Variants in ZNF10 observed in about 807,000 individuals in gnomAD.
The protein encoded by ZNF10 is zinc finger protein 10 (KOX 1).
ZNF10 carries 8 observed loss-of-function variants against 12.2 expected under a neutral mutation model. The ratio of observed to expected loss-of-function variants is 0.66; its 90% CI spans 0.39 to 1.18. The LOEUF (loss-of-function observed/expected upper bound fraction) is 1.18. Ranked by LOEUF, ZNF10 falls within the 50% of genes most tolerant of loss-of-function variation. The pLI, the probability that ZNF10 is intolerant of heterozygous loss-of-function variation, is 0.01. For synonymous variants in ZNF10, 229 were observed against 228.2 expected (o/e 1.00, Z -0.03); for missense variants, 603 against 678.9 (o/e 0.89, Z 1.24).
At chr12:133,133,393 T>C (rs565744836) in intron 1 of ZNF10, among the ~76,000 whole-genome samples, 1 of 152,320 alleles carries the variant, frequency 6.6e-6, no homozygotes, top group East Asian at 1.9e-4. Context: ...TTAAGTATAG[T>C]CACATGTCAG....
chr12:133,140,269 T>C (rs1165661253), intron 1 of ZNF10, among the ~76,000 whole-genome samples: 2 of 148,844 alleles, frequency 1.3e-5, no homozygotes, highest in South Asian at 2.2e-4. Flanking sequence ...TTCTATCTAC[T>C]TGGGAGGCTG....
chr12:133,149,742 A>T (rs1955996786), intron 2 of ZNF10, among the ~76,000 whole-genome samples: 1 of 151,926 alleles, frequency 6.6e-6, no homozygotes, highest in Admixed American at 6.6e-5. Context: ...ATTAATTAAT[A>T]CAATTGGATT....
In ZNF10 at chr12:133,156,148, C is replaced by T. The variant is rs1956039823; in HGVS notation, c.902C>T (p.Ser301Phe). ...KPYECKECGK[S>F]FSRSSHLIGH... Reference sequence around the variant, plus strand: ...TATGAGTGTAAAGAATGTGGAAAGTCTTTCAGCCGGAGTTCTCACCTCATT... The same window carrying T: ...TATGAGTGTAAAGAATGTGGAAAGTTTTTCAGCCGGAGTTCTCACCTCATT... Residue 301 changes from serine to phenylalanine, a missense_variant, in exon 5 of 5, where the codon TCT becomes TTT. Ser to Phe is a radical substitution (Grantham distance 155, BLOSUM62 -2). Coordinates refer to ENST00000248211, the MANE Select transcript of ZNF10 (RefSeq NM_015394.5). 2 of 1,613,610 alleles carry T rather than the reference C, an allele frequency of 1.2e-6. No individual in the cohort carries two copies. The highest frequency in any genetic ancestry group is 1.7e-6 in the Non-Finnish European group (2 of 1,180,026).
rs778238210 is a variant in ZNF10, at chr12:133,155,732, A to C, written c.486A>C (p.Arg162Ser). The C allele has an allele frequency of 1.4e-5, 23 of 1,611,892 alleles. 1 individual carries two copies. The South Asian group carries it at 2.3e-4, about 16-fold the overall frequency. The change falls in exon 5 of 5, where the codon AGA (arginine) becomes AGC (serine). Residue 162 changes from arginine (R) to serine (S), a missense_variant. By Grantham distance (110) the Arg-to-Ser change is moderately radical (BLOSUM62 -1). Coordinates refer to ENST00000248211, the MANE Select transcript of ZNF10 (RefSeq NM_015394.5). ...FTQKKVLTQE[R>S]VSESGKYGGN... Reference sequence around the variant, plus strand: ...AAAAGAAAGTACTTACTCAGGAGAGAGTCTCTGAAAGTGGTAAATATGGGG... The same window carrying C: ...AAAAGAAAGTACTTACTCAGGAGAGCGTCTCTGAAAGTGGTAAATATGGGG...
Position 133,133,794 on chromosome 12 carries a change from C to T in ZNF10, c.-60+3040C>T, listed in dbSNP as rs886756330. Among the ~76,000 whole-genome samples, 9 of 152,208 alleles carry T rather than the reference C, an allele frequency of 5.9e-5. No individual in the cohort carries two copies. The South Asian group carries it at 8.3e-4, about 14-fold the overall frequency. ...ATAGTAACTTTCATAGCCTTCTTGCCGATACTTGGAGCTTCTTTTCAGCCC... is the reference window on the plus strand; with the variant it reads ...ATAGTAACTTTCATAGCCTTCTTGCTGATACTTGGAGCTTCTTTTCAGCCC... On this transcript the variant is annotated intron_variant, in intron 1 of 4. Transcript: ENST00000248211.
At chr12:133,150,464 A>G (rs780937708) in intron 2 of ZNF10, among the ~76,000 whole-genome samples, 5 of 152,116 alleles carry the variant, frequency 3.3e-5, no homozygotes, top group Non-Finnish European at 7.4e-5. Flanking sequence ...TCTAGATACA[A>G]TCAACACTTA....
At chr12:133,141,231 A>G (rs1168447271) in intron 1 of ZNF10, among the ~76,000 whole-genome samples, 2 of 152,332 alleles carry the variant, frequency 1.3e-5, no homozygotes, top group East Asian at 1.9e-4. Flanking sequence ...ACTGTTTGCA[A>G]ATAACCTAAC....
At position 133,157,904 on chromosome 12, in the gene ZNF10, A is replaced by T. The variant is rs1956052163; in HGVS notation, c.*936A>T. The T allele has an allele frequency of 1.3e-5, 2 of 152,210 alleles. No individual in the cohort carries two copies. Among genetic ancestry groups the T allele is most frequent in the African/African-American group, 4.8e-5 (2 of 41,464 alleles). 9.4% of individuals were successfully genotyped at this position (152,210 alleles called of 1,614,324 possible). A position where few individuals can be genotyped will look rare whatever the true frequency, so the allele number is the denominator to read the frequency against. On this transcript the variant is annotated 3_prime_UTR_variant, in exon 5 of 5. Coordinates refer to ENST00000248211, the MANE Select transcript of ZNF10 (RefSeq NM_015394.5). ...CATTGGGCATTTGAACATATCAGGG[A>T]GGGTCCCCATTTTAGTGGGAACAAG...
At chr12:133,141,342 A>G (rs1348659414) in intron 1 of ZNF10, among the ~76,000 whole-genome samples, 3 of 152,198 alleles carry the variant, frequency 2.0e-5, no homozygotes, top group African/African-American at 4.8e-5. Flanking sequence ...AAATTCACCA[A>G]GCATGCAAAG....
chr12:133,143,017 G>C (rs1202835781), intron 1 of ZNF10, among the ~76,000 whole-genome samples: 1 of 152,224 alleles, frequency 6.6e-6, no homozygotes, highest in African/African-American at 2.4e-5. Flanking sequence ...CATGAAAAGA[G>C]TGAGGTTCTG....
chr12:133,131,322 C>T (rs929178803), intron 1 of ZNF10, among the ~76,000 whole-genome samples: 3 of 87,024 alleles, frequency 3.4e-5, no homozygotes, highest in African/African-American at 1.0e-4. Context: ...TTTTATTTTC[C>T]CTTGACACTA....
rs1454549793 is a variant in ZNF10, at chr12:133,159,022, A to G, written c.*2054A>G. ...AATAGTCACTTAACTGGGGCTCTTA[A>G]CATTGCTAATAACCTGTGGCTCAAT... On this transcript the variant is annotated 3_prime_UTR_variant, in exon 5 of 5. Coordinates refer to ENST00000248211, the MANE Select transcript of ZNF10 (RefSeq NM_015394.5). 1 of 152,234 alleles carries G rather than the reference A, an allele frequency of 6.6e-6. No homozygotes were observed. The highest frequency in any genetic ancestry group is 2.4e-5 in the African/African-American group (1 of 41,460). The allele number at this position is 152,234 out of a possible 1,614,324, so 9.4% of individuals were successfully genotyped here.
intron 2 of ZNF10, among the ~76,000 whole-genome samples, chr12:133,148,351 C>T (rs979000344): frequency 9.9e-5 from 15 of 152,132 alleles, no homozygotes; most frequent in Admixed American, 5.2e-4. Context: ...GAACTCCTGA[C>T]CTCAGATGAT....
intron 1 of ZNF10, among the ~76,000 whole-genome samples, chr12:133,139,612 G>T (rs1462047315): frequency 2.6e-5 from 4 of 152,198 alleles, no homozygotes; most frequent in Non-Finnish European, 5.9e-5. Flanking sequence ...AGGCAAAGAA[G>T]TCAAGTAGGA....
At chr12:133,153,484 A>C (rs921460034) in intron 4 of ZNF10, among the ~76,000 whole-genome samples, 8 of 152,150 alleles carry the variant, frequency 5.3e-5, no homozygotes, top group Non-Finnish European at 1.0e-4. Context: ...TCTTCATAGA[A>C]TCTTCCAGTT....
chr12:133,151,621 C>G (rs1156760706), intron 3 of ZNF10, among the ~76,000 whole-genome samples, 188 bp from the exon 4 acceptor site: 1 of 152,028 alleles, frequency 6.6e-6, no homozygotes, highest in African/African-American at 2.4e-5. Flanking sequence ...TCCAGCCTGG[C>G]AACAGAGAGA....
intron 1 of ZNF10, among the ~76,000 whole-genome samples, chr12:133,142,504 C>T (rs752642425): frequency 6.6e-6 from 1 of 151,014 alleles, no homozygotes; most frequent in Non-Finnish European, 1.5e-5. Flanking sequence ...TCCTACAACT[C>T]AACAATACAC....
intron 1 of ZNF10, among the ~76,000 whole-genome samples, chr12:133,142,068 A>C (rs1157030896): frequency 6.6e-6 from 1 of 152,218 alleles, no homozygotes; most frequent in Non-Finnish European, 1.5e-5. Context: ...CTACCTATTA[A>C]ATAGAATTAC....
At chr12:133,131,485 A>G (rs1955876082) in intron 1 of ZNF10, among the ~76,000 whole-genome samples, 1 of 152,172 alleles carries the variant, frequency 6.6e-6, no homozygotes, top group Non-Finnish European at 1.5e-5. Flanking sequence ...GTTAATTAAA[A>G]AAAAAAAAGT....
Sources: allele counts gnomAD v4.1 joint callset (sites outside exome capture counted in the v4.1 genomes callset), GRCh38; gene constraint gnomAD v4.1.1; transcripts MANE v1.5; gene names NCBI Gene and HGNC (gene_info 2026-07-23, HGNC 2026-07-21).